The following CADPS variants were observed in gnomAD, a reference collection of about 807,000 sequenced individuals.
The protein encoded by CADPS is calcium-dependent secretion activator 1.
A neutral mutation model predicts 167.3 loss-of-function variants in CADPS; 57 were observed. That is an observed-to-expected ratio of 0.34 (90% confidence interval 0.28 to 0.42). The LOEUF is 0.42. CADPS is among the 20% of genes least tolerant of loss of function. CADPS has a pLI of 1.00. For synonymous variants in CADPS, 676 were observed against 635.3 expected, an observed-to-expected ratio of 1.06 and a Z score of -0.96; for missense variants, 1,414 against 1,738.1, an observed-to-expected ratio of 0.81 and a Z score of 3.32.
chr3:62,821,293 T>C (rs1466087338), intron 1 of CADPS, among the ~76,000 whole-genome samples: 2 of 152,006 alleles, frequency 1.3e-5, no homozygotes, highest in Non-Finnish European at 2.9e-5. Flanking sequence ...CTGGGTTCTC[T>C]GCTTTAGAGT....
At chr3:62,491,248 T>A in intron 21 of CADPS, 91 bp downstream of exon 21, 1 of 1,312,542 alleles carries the variant, frequency 7.6e-7, no homozygotes, top group Non-Finnish European at 1.1e-6. Context: ...ACAATAACAG[T>A]GAAACCCATA....
intron 22 of CADPS, among the ~76,000 whole-genome samples, chr3:62,480,112 ATTTTC>A (rs2061808848): frequency 6.6e-6 from 1 of 151,848 alleles, no homozygotes; most frequent in Non-Finnish European, 1.5e-5. Context: ...GGAAAAGAAT[ATTTTC>A]TTTTTATTTT....
intron 8 of CADPS, among the ~76,000 whole-genome samples, chr3:62,579,372 A>G (rs980903050): frequency 1.8e-4 from 27 of 152,256 alleles, no homozygotes; most frequent in African/African-American, 6.5e-4. Context: ...GCTACATGTC[A>G]GTCTCTGTAT....
chr3:62,467,232 C>T, intron 24 of CADPS: 4 of 746,754 alleles, frequency 5.4e-6, no homozygotes, highest in Non-Finnish European at 7.4e-6. Context: ...TTTGAATTAT[C>T]CCATATTTCC....
At chr3:62,403,041 T>C (rs1312896199) in intron 29 of CADPS, 40 bp downstream of exon 29, 2 of 1,271,928 alleles carry the variant, frequency 1.6e-6, no homozygotes, top group African/African-American at 1.5e-5. Context: ...TATATTTCAG[T>C]AAGCTATTTG....
chr3:62,732,645 C>T (rs2152153745), intron 3 of CADPS, among the ~76,000 whole-genome samples: 1 of 152,308 alleles, frequency 6.6e-6, no homozygotes, highest in South Asian at 2.1e-4. Context: ...TTCAACAAAC[C>T]TCTTTTGCAA....
chr3:62,650,752 G>A, intron 5 of CADPS, 95 bp downstream of exon 5: 1 of 830,708 alleles, frequency 1.2e-6, no homozygotes, highest in East Asian at 2.5e-5. Flanking sequence ...CTGCTCCTGG[G>A]GTGCAACAGA....
chr3:62,799,640 G>C (rs776087396), intron 1 of CADPS, among the ~76,000 whole-genome samples: 1 of 152,132 alleles, frequency 6.6e-6, no homozygotes, highest in Non-Finnish European at 1.5e-5. Flanking sequence ...CCCTGGGGCA[G>C]TTGCTTAACC....
chr3:62,721,227 C>A (rs560904380), intron 3 of CADPS, among the ~76,000 whole-genome samples: 1 of 150,990 alleles, frequency 6.6e-6, no homozygotes, highest in African/African-American at 2.4e-5. Flanking sequence ...CTCATCAGAG[C>A]GGCTGGGATC....
intron 1 of CADPS, among the ~76,000 whole-genome samples, chr3:62,828,014 G>A (rs899236877): frequency 1.3e-5 from 2 of 152,168 alleles, no homozygotes; most frequent in Admixed American, 1.3e-4. Flanking sequence ...GTCTCAGAAA[G>A]AGAACTTCTG....
At chr3:62,528,929 C>T (rs833677) in intron 13 of CADPS, among the ~76,000 whole-genome samples, 2 of 152,094 alleles carry the variant, frequency 1.3e-5, no homozygotes, top group African/African-American at 2.4e-5. Context: ...GAGGCTGAGT[C>T]GGGCAGATTA....
At chr3:62,792,448 C>G (rs1421100483) in intron 1 of CADPS, among the ~76,000 whole-genome samples, 1 of 152,000 alleles carries the variant, frequency 6.6e-6, no homozygotes, top group African/African-American at 2.4e-5. Flanking sequence ...AGGTAATGCT[C>G]CCGCCTCAGC....
At chr3:62,510,755 C>G (rs541361769) in intron 17 of CADPS, among the ~76,000 whole-genome samples, 5 of 152,018 alleles carry the variant, frequency 3.3e-5, no homozygotes, top group African/African-American at 1.2e-4. Flanking sequence ...CCGGTGGTGC[C>G]CTACCACCTC....
chr3:62,639,851 C>G (rs373425303), intron 6 of CADPS, among the ~76,000 whole-genome samples: 1 of 152,136 alleles, frequency 6.6e-6, no homozygotes, highest in Non-Finnish European at 1.5e-5. Flanking sequence ...ATTGTTCCCC[C>G]TTCTGGTCCA....
In CADPS at chr3:62,588,279, C is replaced by G. The variant is rs138738969; in HGVS notation, c.1438-2955G>C. 2.8e-3 allele frequency among the ~76,000 whole-genome samples: 425 copies of G among 149,140 alleles called. 3 individuals carry two copies. Among genetic ancestry groups the G allele is most frequent in the African/African-American group, 9.8e-3 (405 of 41,140 alleles). On this transcript the variant is annotated intron_variant, in intron 7 of 29. Transcript: ENST00000383710. ...CTGGATTCTGCCTTCTTGCTAGGTG[C>G]TTCATTTCCAGGTCTTTCTTTTTTT...
chr3:62,585,149 G>C, intron 8 of CADPS, 36 bp downstream of exon 8: 1 of 1,603,170 alleles, frequency 6.2e-7, no homozygotes, highest in African/African-American at 1.3e-5. Flanking sequence ...GAACAGACGT[G>C]TGTCCAAAAC....
chr3:62,686,571 AATCTGCAG>A (rs2078078349), intron 3 of CADPS, among the ~76,000 whole-genome samples: 1 of 152,042 alleles, frequency 6.6e-6, no homozygotes, highest in African/African-American at 2.4e-5. Context: ...AAATATTGTC[AATCTGCAG>A]ATCTGCAGAC....
At chr3:62,618,657 T>C (rs2062706124) in intron 6 of CADPS, among the ~76,000 whole-genome samples, 1 of 152,320 alleles carries the variant, frequency 6.6e-6, no homozygotes, top group South Asian at 2.1e-4. Flanking sequence ...AGATGCCAAC[T>C]GTTTCATTCT....
chr3:62,832,981 T>G (rs1041771187), intron 1 of CADPS, among the ~76,000 whole-genome samples: 4 of 152,132 alleles, frequency 2.6e-5, no homozygotes, highest in Non-Finnish European at 5.9e-5. Context: ...AGGAATTGCC[T>G]CCTCTAGGTA....
Sources: allele counts gnomAD v4.1 joint callset (sites outside exome capture counted in the v4.1 genomes callset), GRCh38; gene constraint gnomAD v4.1.1; transcripts MANE v1.5; gene names NCBI Gene and HGNC (gene_info 2026-07-23, HGNC 2026-07-21).